The following TNFRSF19 variants were observed in gnomAD, a reference collection of about 807,000 sequenced individuals.
TNFRSF19 encodes TNF receptor superfamily member 19.
TNFRSF19 carries 27 observed loss-of-function variants against 46.4 expected under a neutral mutation model. That is an observed-to-expected ratio of 0.58 (90% CI 0.43 to 0.80). The LOEUF (loss-of-function observed/expected upper bound fraction) is 0.80, where lower values mean the gene tolerates loss of function less well. Among genes scored for constraint, TNFRSF19 ranks in the 30% least tolerant of loss-of-function variants. The probability of loss-of-function intolerance (pLI) is 0.00; values close to 1 mark genes in which losing one functional copy is unlikely to be tolerated. For missense variants in TNFRSF19, 511 were observed against 530.8 expected (o/e 0.96, Z 0.37); for synonymous variants, 204 against 205.0 (o/e 1.00, Z 0.04).
intron 1 of TNFRSF19, among the ~76,000 whole-genome samples, chr13:23,584,988 C>CTCTTTGCATGTGGGACTGGCAGTATT (rs1280323024): frequency 6.6e-6 from 1 of 152,102 alleles, no homozygotes; most frequent in African/African-American, 2.4e-5. Context: ...ATGTTTTATT[C>CTCTTTGCATGTGGGACTGGCAGTATT]TCTTTGCATG....
At chr13:23,594,319 A>G (rs1437100452) in intron 3 of TNFRSF19, 1 of 450,172 alleles carries the variant, frequency 2.2e-6, no homozygotes, top group South Asian at 1.6e-5. Context: ...AGCAGATCCA[A>G]CTCCCATGGA....
At chr13:23,651,712 A>G (rs555970173) in intron 5 of TNFRSF19, among the ~76,000 whole-genome samples, 6 of 152,158 alleles carry the variant, frequency 3.9e-5, no homozygotes, top group Non-Finnish European at 8.8e-5. Context: ...GTTTAGATAA[A>G]ACAGGTTGGA....
Position 23,659,227 on chromosome 13 carries a change from C to A in TNFRSF19, c.610+13C>A. On this transcript the variant is annotated intron_variant, in intron 6 of 9. Coordinates refer to ENST00000248484, the MANE Select transcript of TNFRSF19 (RefSeq NM_148957.4). This position sits in a 1 kb window ranked among gnomAD's most constrained non-coding sequence, Gnocchi z 4.9. The stretch of plus-strand genomic sequence containing the variant: ...AAGAAACCCAGCTGTAAGTTTTGAG[C>A]TCATTACATTTCTTAGCATTTAGGG... 1.2e-6 allele frequency: 2 copies of A among 1,600,116 alleles called. No individual in the cohort carries two copies. The highest frequency in any genetic ancestry group is 1.7e-6 in the Non-Finnish European group (2 of 1,170,380).
chr13:23,583,909 A>G (rs1296635197), intron 1 of TNFRSF19, among the ~76,000 whole-genome samples: 1 of 152,166 alleles, frequency 6.6e-6, no homozygotes, highest in Non-Finnish European at 1.5e-5. Context: ...TTTGGGAAAA[A>G]CACATTAGTT....
rs181553640 is a variant in TNFRSF19 at position 23,661,051 on chromosome 13, T to A, written c.736+561T>A. Among the ~76,000 whole-genome samples, 437 of 152,308 alleles carry A rather than the reference T, an allele frequency of 2.9e-3. 1 individual carries two copies. The highest frequency in any genetic ancestry group is 2.9e-3 in the South Asian group (14 of 4,818). On this transcript the variant is annotated intron_variant, in intron 7 of 9. Coordinates refer to ENST00000248484, the MANE Select transcript of TNFRSF19 (RefSeq NM_148957.4). ...AGGGGCAAAGGTAATACCAACTTTT[T>A]AAAAACTTTTATTTTAGGTTTGGGG... is the stretch of plus-strand genomic sequence containing the variant.
In TNFRSF19 at chr13:23,669,062, G is replaced by T. The variant is rs778699946; in HGVS notation, c.1210G>T (p.Ala404Ser). Reference sequence around the variant, plus strand: ...AAGCCAGCTAGATCAGGAGAGTGGTGCTGTCATCCACCCAGCCACTCAGAC... The same window carrying T: ...AAGCCAGCTAGATCAGGAGAGTGGTTCTGTCATCCACCCAGCCACTCAGAC... ...MRSQLDQESG[A>S]VIHPATQTSL... Residue 404 changes from alanine (A) to serine (S), a missense_variant, in exon 9 of 10, where the codon GCT becomes TCT. Physicochemically the swap from Ala to Ser is moderately conservative, Grantham distance 99 (BLOSUM62 1). Around this residue, in one of 3 missense-constraint regions of TNFRSF19, gnomAD observed 376 missense variants for 372.7 expected, o/e 1.01. Transcript: ENST00000248484. 2.5e-6 allele frequency: 4 copies of T among 1,614,052 alleles called. No homozygotes were observed. Among genetic ancestry groups the T allele is most frequent in the Admixed American group, 1.7e-5 (1 of 60,024 alleles).
intron 7 of TNFRSF19, among the ~76,000 whole-genome samples, chr13:23,665,245 T>C (rs886441513): frequency 3.9e-5 from 6 of 152,238 alleles, no homozygotes; most frequent in African/African-American, 1.4e-4. Context: ...GAATACTTTC[T>C]GGAGAGATGA....
At chr13:23,580,516 G>C (rs1174536892) in intron 1 of TNFRSF19, among the ~76,000 whole-genome samples, 1 of 152,232 alleles carries the variant, frequency 6.6e-6, no homozygotes, top group Non-Finnish European at 1.5e-5. Flanking sequence ...GCAAAAGGGA[G>C]GATTACATTG....
At chr13:23,646,483 T>G (rs1447046118) in intron 5 of TNFRSF19, among the ~76,000 whole-genome samples, 4 of 152,220 alleles carry the variant, frequency 2.6e-5, no homozygotes, top group Non-Finnish European at 5.9e-5. Context: ...ATCTACTTTC[T>G]GTCTCTATGA....
At chr13:23,582,723 C>G (rs2138154363) in intron 1 of TNFRSF19, among the ~76,000 whole-genome samples, 1 of 152,264 alleles carries the variant, frequency 6.6e-6, no homozygotes. Context: ...ATTTCCTTGC[C>G]CTCTTCAAGC....
chr13:23,588,255 A>G (rs1878987746), intron 1 of TNFRSF19, among the ~76,000 whole-genome samples: 1 of 152,194 alleles, frequency 6.6e-6, no homozygotes, highest in Non-Finnish European at 1.5e-5. Flanking sequence ...TGCACAGCTC[A>G]TAAGTAGTGG....
chr13:23,665,748 G>A (rs1374121223), intron 7 of TNFRSF19, among the ~76,000 whole-genome samples: 2 of 152,114 alleles, frequency 1.3e-5, no homozygotes, highest in East Asian at 3.8e-4. Flanking sequence ...CATAACAACA[G>A]CATAATTATT....
At chr13:23,587,077 T>G (rs183378902) in intron 1 of TNFRSF19, among the ~76,000 whole-genome samples, 1 of 152,220 alleles carries the variant, frequency 6.6e-6, no homozygotes, top group East Asian at 1.9e-4. Context: ...ATCTCAGTTA[T>G]TTGTATGGCT....
At chr13:23,574,082 T>C (rs35584378) in intron 1 of TNFRSF19, among the ~76,000 whole-genome samples, 7,645 of 124,154 alleles carry the variant, frequency 0.062, 300 homozygotes, top group South Asian at 0.1. Flanking sequence ...AAAAAAAAAA[T>C]CTATCTATCT....
intron 1 of TNFRSF19, among the ~76,000 whole-genome samples, chr13:23,585,795 G>C (rs55803612): frequency 0.078 from 11,950 of 152,240 alleles, 689 homozygotes; most frequent in East Asian, 0.28. Context: ...ACAGTGGGGA[G>C]TGGTGGAGAC....
intron 9 of TNFRSF19, 161 bp downstream of exon 9, chr13:23,669,258 A>G: frequency 1.4e-6 from 2 of 1,408,296 alleles, no homozygotes; most frequent in Non-Finnish European, 1.8e-6. Context: ...AATTTCAAGT[A>G]TTTTTTTAAA....
chr13:23,646,968 G>A (rs1175808213), intron 5 of TNFRSF19, among the ~76,000 whole-genome samples: 2 of 152,164 alleles, frequency 1.3e-5, no homozygotes, highest in African/African-American at 2.4e-5. Flanking sequence ...TATTTTTTAA[G>A]TTGTAGCCAT....
Position 23,585,891 on chromosome 13 carries a change from C to T in TNFRSF19, c.-34-4259C>T, listed in dbSNP as rs933424112. ...ATTGCTTTGATGTGGGACTCAGGGC[C>T]GTCAGATTGTCTAATTTTTCGAGAA... On this transcript the variant is annotated intron_variant, in intron 1 of 9. Coordinates refer to ENST00000248484, the MANE Select transcript of TNFRSF19 (RefSeq NM_148957.4). Among the ~76,000 whole-genome samples the T allele has an allele frequency of 1.1e-4, 16 of 152,132 alleles. No homozygotes were observed. In the East Asian group the frequency reaches 2.7e-3, roughly 26 times the overall value.
At chr13:23,581,685 CT>C (rs1405710492) in intron 1 of TNFRSF19, among the ~76,000 whole-genome samples, 4 of 152,088 alleles carry the variant, frequency 2.6e-5, no homozygotes, top group African/African-American at 7.2e-5. Context: ...ATATTGGGGA[CT>C]TTTTAAACAT....
Sources: gnomAD v4.1 joint callset for allele counts (sites outside exome capture counted in the v4.1 genomes callset) on GRCh38, gnomAD v4.1.1 for gene constraint, gnomAD v4.1.1 regional missense constraint, Gnocchi (gnomAD v3.1) non-coding constraint, MANE v1.5 for transcripts, NCBI Gene and HGNC (gene_info 2026-07-23, HGNC 2026-07-21) for gene names.